The following LMNA variants were observed in gnomAD, a reference collection of about 807,000 sequenced individuals.
The protein encoded by LMNA is lamin A/C.
Under a neutral mutation model 70.4 loss-of-function variants are expected in LMNA, and 20 were observed. That is an observed-to-expected ratio of 0.28 (90% CI 0.20 to 0.41). The LOEUF is 0.41. Ranked by LOEUF, LMNA falls within the 10% of genes least tolerant of loss-of-function variation. The probability of loss-of-function intolerance (pLI) is 1.00; values close to 1 mark genes in which losing one functional copy is unlikely to be tolerated. For missense variants in LMNA, 652 were observed against 917.2 expected (o/e 0.71, Z 3.73); for synonymous variants, 339 against 372.8 (o/e 0.91, Z 1.04).
At position 156,136,265 on chromosome 1, in the gene LMNA, C is replaced by T. The variant is rs776975256; in HGVS notation, c.1209C>T (p.Ser403=). ...CGCAGCGCAGCCGTGGCCGTGCTTC[C>T]TCTCACTCATCCCAGACACAGGGTG... ...PTSQRSRGRA[S]SHSSQTQGGG... Residue 403 remains serine (S), a synonymous_variant, in exon 7 of 12, where the codon TCC becomes TCT. Transcript: ENST00000368300. This position sits in a 1 kb window ranked among gnomAD's most constrained non-coding sequence, Gnocchi z 6.1. 1.2e-6 allele frequency: 2 copies of T among 1,612,080 alleles called. No individual in the cohort carries two copies. Among genetic ancestry groups the T allele is most frequent in the Non-Finnish European group, 1.7e-6 (2 of 1,180,028 alleles).
chr1:156,094,239 T>C (rs1648821593), intron 3 of LMNA, among the ~76,000 whole-genome samples: 1 of 152,172 alleles, frequency 6.6e-6, no homozygotes, highest in African/African-American at 2.4e-5. Flanking sequence ...GCCCTGTCTA[T>C]CCTCTAGGGC....
intron 1 of LMNA, among the ~76,000 whole-genome samples, chr1:156,127,520 T>G (rs963453521): frequency 5.2e-5 from 7 of 133,790 alleles, no homozygotes; most frequent in Non-Finnish European, 8.1e-5. Flanking sequence ...TTTTTTTTTT[T>G]TTTTTTTTTT....
rs556237236 is a variant in LMNA, at chr1:156,115,247, G to A, written c.329G>A (p.Arg110His). 1.8e-5 allele frequency: 29 copies of A among 1,611,828 alleles called. No homozygotes were observed. The South Asian group carries it at 3.2e-4, about 18-fold the overall frequency. The change falls in exon 1 of 12, where the codon CGT (arginine) becomes CAT (histidine). Residue 110 changes from arginine (R) to histidine (H), a missense_variant. Coordinates refer to ENST00000368300, the MANE Select transcript of LMNA (RefSeq NM_170707.4). This position sits in a 1 kb window ranked among gnomAD's most constrained non-coding sequence, Gnocchi z 5.8. ...ARLQLELSKVREEFKELKARN... is the reference protein window; with the variant it reads ...ARLQLELSKVHEEFKELKARN... ...CTGCAGCTGGAGCTGAGCAAAGTGCGTGAGGAGTTTAAGGAGCTGAAAGCG... is the reference window on the plus strand; with the variant it reads ...CTGCAGCTGGAGCTGAGCAAAGTGCATGAGGAGTTTAAGGAGCTGAAAGCG...
chr1:156,134,838 C>T lies in LMNA; in HGVS notation c.673C>T (p.Arg225Ter), dbSNP rs60682848. ...TGAGACCAAGCGCCGTCATGAGACC[C>T]GACTGGTGGAGATTGACAATGGGAA... The part of the protein sequence containing the change: ...LRETKRRHET[R>*]LVEIDNGKQR... The change falls in exon 4 of 12, where the codon CGA (arginine) becomes TGA (stop). Residue 225 changes from arginine (R) to a stop codon, truncating the protein, a stop_gained. Coordinates refer to ENST00000368300, the MANE Select transcript of LMNA (RefSeq NM_170707.4). LOFTEE classifies it high-confidence loss of function. This position sits in a 1 kb window ranked among gnomAD's most constrained non-coding sequence, Gnocchi z 5.3. 6.2e-7 allele frequency: 1 copy of T among 1,614,082 alleles called. No homozygotes were observed. Among genetic ancestry groups the T allele is most frequent in the Non-Finnish European group, 8.5e-7 (1 of 1,180,040 alleles).
intron 3 of LMNA, among the ~76,000 whole-genome samples, chr1:156,096,208 C>A (rs1193509718): frequency 6.6e-6 from 1 of 152,170 alleles, no homozygotes; most frequent in Non-Finnish European, 1.5e-5. Context: ...GCCAGGGGCT[C>A]CCCCTTCCGT....
Position 156,135,306 on chromosome 1 carries a change from G to A in LMNA, c.930G>A (p.Gln310=), listed in dbSNP as rs1267469603. 2 of 1,589,988 alleles carry A rather than the reference G, an allele frequency of 1.3e-6. No individual in the cohort carries two copies. The highest frequency in any genetic ancestry group is 2.3e-5 in the East Asian group (1 of 43,040). Residue 310 remains glutamine, a synonymous_variant, in exon 5 of 12, where the codon CAG becomes CAA. Coordinates refer to ENST00000368300, the MANE Select transcript of LMNA (RefSeq NM_170707.4). This position sits in a 1 kb window ranked among gnomAD's most constrained non-coding sequence, Gnocchi z 4.8. The part of the protein sequence containing the change: ...DSLSAQLSQL[Q]KQLAAKEAKL... ...TCTCTGCCCAGCTCAGCCAGCTCCA[G>A]AAGCAGGTGATACCCCACCTCACCC...
Position 156,137,464 on chromosome 1 carries a change from C to A in LMNA, c.1609-190C>A. On this transcript the variant is annotated intron_variant, in intron 9 of 11. Transcript: ENST00000368300. The surrounding 1 kb of genome is among the most constrained non-coding windows in gnomAD (Gnocchi z 4.6). Reference sequence around the variant, plus strand: ...TTAAAGGCAGAGCCATACTCCTACCCGGAGAGCTTGACAGTGTCCCTCTGG... The same window carrying A: ...TTAAAGGCAGAGCCATACTCCTACCAGGAGAGCTTGACAGTGTCCCTCTGG... 2.6e-6 allele frequency: 2 copies of A among 773,730 alleles called. No individual in the cohort carries two copies. The highest frequency in any genetic ancestry group is 1.6e-5 in the South Asian group (1 of 63,996). The allele number at this position is 773,730 out of a possible 1,614,324, so 47.9% of individuals were successfully genotyped here.
chr1:156,088,451 A>G (rs1054192920), intron 2 of LMNA, among the ~76,000 whole-genome samples: 1 of 152,148 alleles, frequency 6.6e-6, no homozygotes, highest in Non-Finnish European at 1.5e-5. Context: ...TCGGTAAGAC[A>G]CAGAAACTGG....
intron 1 of LMNA, among the ~76,000 whole-genome samples, chr1:156,119,775 C>G (rs1056539558): frequency 2.0e-5 from 3 of 150,662 alleles, no homozygotes; most frequent in Admixed American, 2.0e-4. Context: ...CAGCAGGAGA[C>G]AGGGTGGAGA....
intron 3 of LMNA, among the ~76,000 whole-genome samples, chr1:156,101,640 G>A (rs113660801): frequency 3.3e-5 from 4 of 122,872 alleles, no homozygotes; most frequent in African/African-American, 1.3e-4. Flanking sequence ...GGAAGGAAGG[G>A]AGGGAGGGAG....
rs1388411215 is a variant in LMNA at position 156,136,552 on chromosome 1, G to A, written c.1380+116G>A. 5.5e-6 allele frequency: 6 copies of A among 1,091,640 alleles called. No homozygotes were observed. The highest frequency in any genetic ancestry group is 1.6e-5 in the African/African-American group (1 of 63,772). The allele number at this position is 1,091,640 out of a possible 1,614,324, so 67.6% of individuals were successfully genotyped here. On this transcript the variant is annotated intron_variant, in intron 7 of 11. Transcript: ENST00000368300. This position sits in a 1 kb window ranked among gnomAD's most constrained non-coding sequence, Gnocchi z 6.1. Reference sequence around the variant, plus strand: ...TTGCCCTCAGAGGGTGGACCAGGGTGAGCCTGTATATCTCCTCCACACTCT... The same window carrying A: ...TTGCCCTCAGAGGGTGGACCAGGGTAAGCCTGTATATCTCCTCCACACTCT...
chr1:156,117,615 A>G (rs898521301), intron 1 of LMNA, among the ~76,000 whole-genome samples: 18 of 148,470 alleles, frequency 1.2e-4, no homozygotes, highest in Non-Finnish European at 3.0e-5. Flanking sequence ...TGCAGCCTCT[A>G]CCTCTCTGGC....
rs1166140426 is a variant in LMNA at position 156,136,326 on chromosome 1, A to G, written c.1270A>G (p.Thr424Ala). Residue 424 changes from threonine to alanine, a missense_variant, in exon 7 of 12, where the codon ACT becomes GCT. By Grantham distance (58) the Thr-to-Ala change is moderately conservative. Around this residue, in one of 4 missense-constraint regions of LMNA, gnomAD observed 327 missense variants for 387.6 expected, o/e 0.84. Transcript: ENST00000368300. The surrounding 1 kb of genome is among the most constrained non-coding windows in gnomAD (Gnocchi z 6.1). ...SVTKKRKLES[T>A]ESRSSFSQHA... ...CACCAAAAAGCGCAAACTGGAGTCC[A>G]CTGAGAGCCGCAGCAGCTTCTCACA... The G allele has an allele frequency of 3.1e-6, 5 of 1,612,194 alleles. No individual in the cohort carries two copies. The highest frequency in any genetic ancestry group is 4.2e-6 in the Non-Finnish European group (5 of 1,180,036).
intron 3 of LMNA, among the ~76,000 whole-genome samples, chr1:156,100,380 C>T (rs1649100306): frequency 6.6e-6 from 1 of 152,144 alleles, no homozygotes; most frequent in Admixed American, 6.5e-5. Context: ...CTGGAGGGAC[C>T]TGTCCTGAAC....
At position 156,136,555 on chromosome 1, in the gene LMNA, C is replaced by A; in HGVS notation, c.1380+119C>A. On this transcript the variant is annotated intron_variant, in intron 7 of 11. Transcript: ENST00000368300. The surrounding 1 kb of genome is among the most constrained non-coding windows in gnomAD (Gnocchi z 6.1). ...CCCTCAGAGGGTGGACCAGGGTGAGCCTGTATATCTCCTCCACACTCTGGT... is the reference window on the plus strand; with the variant it reads ...CCCTCAGAGGGTGGACCAGGGTGAGACTGTATATCTCCTCCACACTCTGGT... 1 of 1,042,154 alleles carries A rather than the reference C, an allele frequency of 9.6e-7. No homozygotes were observed. Among genetic ancestry groups the A allele is most frequent in the Non-Finnish European group, 1.4e-6 (1 of 697,204 alleles). 64.6% of individuals were successfully genotyped at this position (1,042,154 alleles called of 1,614,324 possible).
rs1325230937 is a variant in LMNA at position 156,115,306 on chromosome 1, G to A, written c.356+32G>A. The A allele has an allele frequency of 6.4e-7, 1 of 1,572,612 alleles. No homozygotes were observed. Among genetic ancestry groups the A allele is most frequent in the Non-Finnish European group, 8.6e-7 (1 of 1,163,058 alleles). Reference sequence around the variant, plus strand: ...TCGCCCAGGTGGCTGCGTGCCTGGCGGGGAGTGGAGAGGGCGGCGGGCCGG... The same window carrying A: ...TCGCCCAGGTGGCTGCGTGCCTGGCAGGGAGTGGAGAGGGCGGCGGGCCGG... On this transcript the variant is annotated intron_variant, in intron 1 of 11. Coordinates refer to ENST00000368300, the MANE Select transcript of LMNA (RefSeq NM_170707.4). The surrounding 1 kb of genome is among the most constrained non-coding windows in gnomAD (Gnocchi z 5.8).
upstream of LMNA, among the ~76,000 whole-genome samples, chr1:156,111,324 C>T (rs1408168543): frequency 1.3e-5 from 2 of 151,936 alleles, no homozygotes; most frequent in African/African-American, 4.8e-5. Flanking sequence ...TGGCACACGC[C>T]TGTAATCCCA....
chr1:156,126,424 C>A, intron 1 of LMNA: 1 of 623,520 alleles, frequency 1.6e-6, no homozygotes, highest in Non-Finnish European at 2.9e-6. Flanking sequence ...CGGGCCCAAA[C>A]AGGCCTGTGG....
chr1:156,087,165 G>T (rs1007447776), intron 2 of LMNA, among the ~76,000 whole-genome samples: 3 of 151,954 alleles, frequency 2.0e-5, no homozygotes, highest in Non-Finnish European at 4.4e-5. Flanking sequence ...CTTCTCTCAG[G>T]ATGCCTTCTC....
Sources: allele counts gnomAD v4.1 joint callset (sites outside exome capture counted in the v4.1 genomes callset), GRCh38; gene constraint gnomAD v4.1.1; regional missense constraint gnomAD v4.1.1; non-coding constraint Gnocchi (gnomAD v3.1); transcripts MANE v1.5; gene names NCBI Gene and HGNC (gene_info 2026-07-23, HGNC 2026-07-21).